Variants in RBFOX1 observed in about 807,000 individuals in gnomAD.
The protein encoded by RBFOX1 is RNA binding fox-1 homolog 1, also known as RNA binding protein fox-1 homolog 1.
RBFOX1 carries 8 observed loss-of-function variants against 57.7 expected under a neutral mutation model. The ratio of observed to expected loss-of-function variants is 0.14; its 90% CI spans 0.08 to 0.25. RBFOX1 has a LOEUF of 0.25. RBFOX1 is among the 10% of genes least tolerant of loss of function. The probability of loss-of-function intolerance (pLI) is 1.00; values close to 1 mark genes in which losing one functional copy is unlikely to be tolerated. For missense variants in RBFOX1, 611 were observed against 548.5 expected (o/e 1.11, Z -1.14); for synonymous variants, 326 against 222.4 (o/e 1.47, Z -4.15).
intron 4 of RBFOX1, among the ~76,000 whole-genome samples, chr16:7,293,730 T>C (rs1239693778): frequency 1.3e-5 from 2 of 152,174 alleles, no homozygotes; most frequent in Non-Finnish European, 2.9e-5. Flanking sequence ...CAATACCCGA[T>C]ACATCCCCAG....
intron 2 of RBFOX1, among the ~76,000 whole-genome samples, chr16:6,524,316 G>A (rs2096549236): frequency 6.6e-6 from 1 of 152,214 alleles, no homozygotes; most frequent in Non-Finnish European, 1.5e-5. Flanking sequence ...TGTTGCAAAT[G>A]ACTGTATCTC....
At chr16:7,219,191 T>G (rs923257517) in intron 4 of RBFOX1, among the ~76,000 whole-genome samples, 1 of 152,070 alleles carries the variant, frequency 6.6e-6, no homozygotes. Context: ...TCATACACAT[T>G]GACATAATTA....
At chr16:7,005,996 C>G (rs543615832) in intron 3 of RBFOX1, among the ~76,000 whole-genome samples, 1 of 152,302 alleles carries the variant, frequency 6.6e-6, no homozygotes, top group African/African-American at 2.4e-5. Context: ...GGCAAATCCT[C>G]TAAGAAGCTG....
intron 4 of RBFOX1, among the ~76,000 whole-genome samples, chr16:7,311,006 T>A (rs1410208607): frequency 6.6e-6 from 1 of 152,248 alleles, no homozygotes; most frequent in Non-Finnish European, 1.5e-5. Flanking sequence ...GTGTCCGGTC[T>A]GGAATTACTC....
chr16:7,536,839 G>A (rs2081590568), intron 5 of RBFOX1, among the ~76,000 whole-genome samples: 1 of 152,168 alleles, frequency 6.6e-6, no homozygotes, highest in Non-Finnish European at 1.5e-5. Context: ...TACAGATGAG[G>A]GCTTTTCTGT....
chr16:6,615,804 A>T (rs535791968), intron 2 of RBFOX1, among the ~76,000 whole-genome samples: 6 of 152,086 alleles, frequency 3.9e-5, no homozygotes, highest in Non-Finnish European at 8.8e-5. Context: ...CAGCAGATGG[A>T]TGGAGACACA....
intron 4 of RBFOX1, among the ~76,000 whole-genome samples, chr16:7,345,229 C>T (rs940990548): frequency 2.0e-5 from 3 of 152,180 alleles, no homozygotes; most frequent in Admixed American, 6.5e-5. Flanking sequence ...AGCTTGCAAG[C>T]GATGTCTTCT....
chr16:7,168,108 A>C (rs1015853021), intron 4 of RBFOX1, among the ~76,000 whole-genome samples: 1 of 152,222 alleles, frequency 6.6e-6, no homozygotes, highest in Non-Finnish European at 1.5e-5. Context: ...AAAAGATTCA[A>C]GGAAGCAAAA....
At chr16:6,086,541 G>C (rs1257794797) in intron 1 of RBFOX1, among the ~76,000 whole-genome samples, 3 of 152,194 alleles carry the variant, frequency 2.0e-5, no homozygotes, top group African/African-American at 7.2e-5. Flanking sequence ...TAAACCAGCA[G>C]TGAACGAAGA....
intron 2 of RBFOX1, among the ~76,000 whole-genome samples, chr16:6,627,530 G>A (rs1039643619): frequency 6.6e-6 from 1 of 152,188 alleles, no homozygotes; most frequent in Non-Finnish European, 1.5e-5. Flanking sequence ...GAGGATTTGA[G>A]TAAGTCTCTA....
chr16:6,015,558 T>C (rs2094988357), upstream of RBFOX1, among the ~76,000 whole-genome samples: 1 of 152,226 alleles, frequency 6.6e-6, no homozygotes, highest in South Asian at 2.1e-4. Context: ...TTCTACTCTC[T>C]TGGCTCTTTC....
chr16:6,025,016 G>A (rs1451390321), intron 1 of RBFOX1, among the ~76,000 whole-genome samples: 1 of 152,196 alleles, frequency 6.6e-6, no homozygotes, highest in Non-Finnish European at 1.5e-5. Flanking sequence ...TTGAAGGTTG[G>A]TCCTATAGGC....
intron 1 of RBFOX1, among the ~76,000 whole-genome samples, chr16:5,280,949 G>A (rs1186864567): frequency 6.9e-4 from 1 of 1,456 alleles, no homozygotes; most frequent in African/African-American, 8.4e-4. Flanking sequence ...GTTCTGCTAT[G>A]TTATTTATTT....
At chr16:6,313,243 A>G (rs2080603820) in intron 1 of RBFOX1, among the ~76,000 whole-genome samples, 1 of 152,186 alleles carries the variant, frequency 6.6e-6, no homozygotes, top group Non-Finnish European at 1.5e-5. Flanking sequence ...GGAGCAAATC[A>G]TTAGGGATGT....
At chr16:6,143,910 A>G (rs928559611) in intron 1 of RBFOX1, among the ~76,000 whole-genome samples, 1 of 151,386 alleles carries the variant, frequency 6.6e-6, no homozygotes, top group East Asian at 1.9e-4. Flanking sequence ...ATCTTCCCAC[A>G]TCAGTGTCCT....
chr16:6,763,071 A>C (rs571140975), intron 3 of RBFOX1, among the ~76,000 whole-genome samples: 9 of 152,322 alleles, frequency 5.9e-5, no homozygotes, highest in African/African-American at 2.2e-4. Context: ...ACAATATATC[A>C]GGACTGTATT....
At chr16:7,257,613 C>T (rs542008144) in intron 4 of RBFOX1, among the ~76,000 whole-genome samples, 2 of 152,282 alleles carry the variant, frequency 1.3e-5, no homozygotes, top group South Asian at 2.1e-4. Context: ...AGCCCCTTCC[C>T]GAGAACTGCT....
intron 1 of RBFOX1, among the ~76,000 whole-genome samples, chr16:6,291,900 A>G (rs72776495): frequency 0.14 from 20,748 of 152,020 alleles, 1,707 homozygotes; most frequent in Non-Finnish European, 0.17. Context: ...TTCCTTGATT[A>G]ACATGTCTTT....
intron 1 of RBFOX1, among the ~76,000 whole-genome samples, chr16:6,163,730 T>C (rs2152749421): frequency 6.6e-6 from 1 of 152,336 alleles, no homozygotes; most frequent in Admixed American, 6.5e-5. Flanking sequence ...TTTGTAAAAA[T>C]GCCAGGTCAG....
Sources: gnomAD v4.1 joint callset for allele counts (sites outside exome capture counted in the v4.1 genomes callset) on GRCh38, gnomAD v4.1.1 for gene constraint, MANE v1.5 for transcripts, NCBI Gene and HGNC (gene_info 2026-07-23, HGNC 2026-07-21) for gene names.